The following TGFBR2 variants were observed in gnomAD, a reference collection of about 807,000 sequenced individuals.
The protein encoded by TGFBR2 is TGF-beta receptor type-2.
A neutral mutation model predicts 49.0 loss-of-function variants in TGFBR2; 18 were observed. The observed-to-expected ratio is 0.37, with a 90% CI of 0.25 to 0.54. The LOEUF is 0.54. Among genes scored for constraint, TGFBR2 ranks in the 20% least tolerant of loss-of-function variants. TGFBR2 has a pLI of 0.85. For synonymous variants in TGFBR2, 282 were observed against 275.9 expected (o/e 1.02, Z -0.22); for missense variants, 525 against 722.6 (o/e 0.73, Z 3.13).
At chr3:30,663,149 A>G (rs1273855831) in intron 3 of TGFBR2, among the ~76,000 whole-genome samples, 1 of 152,172 alleles carries the variant, frequency 6.6e-6, no homozygotes, top group African/African-American at 2.4e-5. Flanking sequence ...TGCAATATGA[A>G]GCATATATGT....
intron 3 of TGFBR2, among the ~76,000 whole-genome samples, chr3:30,659,841 C>A (rs932307046): frequency 5.3e-5 from 8 of 151,882 alleles, no homozygotes; most frequent in African/African-American, 1.9e-4. Context: ...GAAGGGTCCA[C>A]TGAGACCTTT....
intron 3 of TGFBR2, among the ~76,000 whole-genome samples, chr3:30,666,846 A>G (rs1005925046): frequency 1.3e-5 from 2 of 150,998 alleles, no homozygotes; most frequent in African/African-American, 2.4e-5. Flanking sequence ...CAGTCTCACT[A>G]TGTTGCCCAG....
Position 30,668,967 on chromosome 3 carries a change from G to C in TGFBR2, c.455-2671G>C, listed in dbSNP as rs12634160. Reference sequence around the variant, plus strand: ...ATATGTACCAGCTTCATTTCTCACTGTTTCGTTAGATGAAAGTTTCAGATG... The same window carrying C: ...ATATGTACCAGCTTCATTTCTCACTCTTTCGTTAGATGAAAGTTTCAGATG... On this transcript the variant is annotated intron_variant, in intron 3 of 6. Coordinates refer to ENST00000295754, the MANE Select transcript of TGFBR2 (RefSeq NM_003242.6). Among the ~76,000 whole-genome samples the C allele has an allele frequency of 4.9e-4, 74 of 151,898 alleles. No homozygotes were observed. The East Asian group carries it at 9.5e-3, about 20-fold the overall frequency.
chr3:30,641,545 G>A (rs1238696729), intron 1 of TGFBR2, among the ~76,000 whole-genome samples: 1 of 152,122 alleles, frequency 6.6e-6, no homozygotes, highest in Non-Finnish European at 1.5e-5. Flanking sequence ...TTAAGCTCTT[G>A]CAGTGGTAGC....
intron 3 of TGFBR2, among the ~76,000 whole-genome samples, chr3:30,662,639 AC>A (rs1272637367): frequency 6.6e-5 from 10 of 152,310 alleles, no homozygotes; most frequent in African/African-American, 1.9e-4. Context: ...AATTGAAATG[AC>A]TTTTTATTGT....
chr3:30,622,214 A>T (rs1242152434), intron 1 of TGFBR2, among the ~76,000 whole-genome samples: 1 of 152,218 alleles, frequency 6.6e-6, no homozygotes, highest in Non-Finnish European at 1.5e-5. Context: ...ATATGGTGTC[A>T]CTTTTCTTAA....
In TGFBR2 at chr3:30,648,419, T is replaced by TACACACACACAC. The variant is rs35473576; in HGVS notation, c.264-1819_264-1808dup. ...TTTATTACCCAAACCAAAAACAACC[T>TACACACACACAC]ACACACACACACACACACACACACA... On this transcript the variant is annotated intron_variant, in intron 2 of 6. Coordinates refer to ENST00000295754, the MANE Select transcript of TGFBR2 (RefSeq NM_003242.6). 5.7e-3 allele frequency among the ~76,000 whole-genome samples: 655 copies of TACACACACACAC among 115,582 alleles called. 7 individuals carry two copies. The highest frequency in any genetic ancestry group is 0.013 in the African/African-American group (437 of 32,384). The allele number at this position is 115,582 out of a possible 152,430, so 75.8% of individuals were successfully genotyped here. A position where few individuals can be genotyped will look rare whatever the true frequency, so the allele number is the denominator to read the frequency against.
chr3:30,618,009 A>G (rs1318500362), intron 1 of TGFBR2, among the ~76,000 whole-genome samples: 1 of 152,224 alleles, frequency 6.6e-6, no homozygotes, highest in African/African-American at 2.4e-5. Flanking sequence ...GAATTCAAGG[A>G]AGAGTTGGCT....
chr3:30,643,514 A>G (rs1364492839), intron 1 of TGFBR2, among the ~76,000 whole-genome samples: 2 of 152,228 alleles, frequency 1.3e-5, no homozygotes, highest in African/African-American at 4.8e-5. Flanking sequence ...TCTGTCTTCC[A>G]TATTTTATTG....
At chr3:30,607,797 A>ATATATATATAT (rs1202221023) in intron 1 of TGFBR2, among the ~76,000 whole-genome samples, 2 of 131,712 alleles carry the variant, frequency 1.5e-5, no homozygotes, top group Non-Finnish European at 3.1e-5. Context: ...TAAAAATAAA[A>ATATATATATAT]AAATATATAT....
At chr3:30,628,536 T>TTTG (rs1317525411) in intron 1 of TGFBR2, among the ~76,000 whole-genome samples, 19 of 143,698 alleles carry the variant, frequency 1.3e-4, no homozygotes, top group African/African-American at 4.3e-4. Flanking sequence ...GGGTTTTTTT[T>TTTG]TTTTTTTTTT....
chr3:30,617,031 T>G (rs1698145716), intron 1 of TGFBR2, among the ~76,000 whole-genome samples: 3 of 152,118 alleles, frequency 2.0e-5, no homozygotes, highest in African/African-American at 7.2e-5. Context: ...TATGAAATGC[T>G]TTGCTATGCC....
At chr3:30,663,477 T>C (rs1699184053) in intron 3 of TGFBR2, among the ~76,000 whole-genome samples, 1 of 152,206 alleles carries the variant, frequency 6.6e-6, no homozygotes, top group African/African-American at 2.4e-5. Flanking sequence ...AGATTAAACA[T>C]TTTTTAAAGA....
chr3:30,609,531 T>A (rs537640987), intron 1 of TGFBR2, among the ~76,000 whole-genome samples: 2 of 151,688 alleles, frequency 1.3e-5, no homozygotes, highest in South Asian at 2.1e-4. Flanking sequence ...AAATAGAAAG[T>A]TTTTTTTTCT....
rs1200214949 is a variant in TGFBR2, at chr3:30,676,870, G to T, written c.1396+2624G>T. On this transcript the variant is annotated intron_variant, in intron 5 of 6. Transcript: ENST00000295754. The surrounding 1 kb of genome is among the most constrained non-coding windows in gnomAD (Gnocchi z 4.3). ...TTCTTCCCCCAAAACACTTCCAAAA[G>T]TTAACTTTGTTTTTCCTTGCACAGT... Among the ~76,000 whole-genome samples, 1 of 152,144 alleles carries T rather than the reference G, an allele frequency of 6.6e-6. No individual in the cohort carries two copies. The highest frequency in any genetic ancestry group is 2.4e-5 in the African/African-American group (1 of 41,424).
intron 5 of TGFBR2, among the ~76,000 whole-genome samples, chr3:30,683,557 C>G (rs1699571633): frequency 6.6e-6 from 1 of 152,156 alleles, no homozygotes; most frequent in African/African-American, 2.4e-5. Context: ...TCCACCTAAG[C>G]CACTTTTGTG....
At chr3:30,618,123 C>T (rs1698162641) in intron 1 of TGFBR2, among the ~76,000 whole-genome samples, 1 of 152,132 alleles carries the variant, frequency 6.6e-6, no homozygotes, top group South Asian at 2.1e-4. Flanking sequence ...CAGTTTTTAA[C>T]CAGTCTGTTT....
chr3:30,672,323 C>T lies in TGFBR2; in HGVS notation c.1140C>T (p.Leu380=), dbSNP rs539172208. 6.2e-7 allele frequency: 1 copy of T among 1,612,614 alleles called. No individual in the cohort carries two copies. The highest frequency in any genetic ancestry group is 1.1e-5 in the South Asian group (1 of 90,886). The change falls in exon 4 of 7, where the codon CTC becomes CTT. Residue 380 remains leucine (L), a synonymous_variant. Coordinates refer to ENST00000295754, the MANE Select transcript of TGFBR2 (RefSeq NM_003242.6). The surrounding 1 kb of genome is among the most constrained non-coding windows in gnomAD (Gnocchi z 4.5). ...AGATGCCCATCGTGCACAGGGACCTCAAGAGCTCCAATATCCTCGTGAAGA... is the reference window on the plus strand; with the variant it reads ...AGATGCCCATCGTGCACAGGGACCTTAAGAGCTCCAATATCCTCGTGAAGA... ...RPKMPIVHRD[L]KSSNILVKND...
intron 1 of TGFBR2, among the ~76,000 whole-genome samples, chr3:30,615,861 G>A (rs1010533897): frequency 8.6e-5 from 13 of 151,672 alleles, no homozygotes; most frequent in African/African-American, 2.7e-4. Flanking sequence ...AGAGTAGCTC[G>A]GACTAAAGGC....
Sources: gnomAD v4.1 joint callset for allele counts (sites outside exome capture counted in the v4.1 genomes callset) on GRCh38, gnomAD v4.1.1 for gene constraint, Gnocchi (gnomAD v3.1) non-coding constraint, MANE v1.5 for transcripts, NCBI Gene and HGNC (gene_info 2026-07-23, HGNC 2026-07-21) for gene names.